CLCA1: variants seen among roughly 807,000 people sequenced by gnomAD.
CLCA1 encodes the protein chloride channel accessory 1.
Under a neutral mutation model 85.6 loss-of-function variants are expected in CLCA1, and 59 were observed. The observed-to-expected ratio is 0.69, with a 90% CI of 0.56 to 0.86. The LOEUF (loss-of-function observed/expected upper bound fraction) is 0.86. Ranked by LOEUF, CLCA1 falls within the 40% of genes least tolerant of loss-of-function variation. The pLI is 0.00. For synonymous variants in CLCA1, 396 were observed against 398.3 expected (o/e 0.99, Z 0.07); for missense variants, 1,022 against 1,101.4 (o/e 0.93, Z 1.02).
At position 86,499,885 on chromosome 1, in the gene CLCA1, T is replaced by C. The variant is rs1409793529; in HGVS notation, c.2585T>C (p.Val862Ala). Reference protein sequence around the residue: ...LKSEISNIARVSLFIPPQTPP... With the variant: ...LKSEISNIARASLFIPPQTPP... Reference sequence around the variant, plus strand: ...TCAGAAATATCCAACATTGCACGAGTATCTTTGTTTATTCCTCCACAGACT... The same window carrying C: ...TCAGAAATATCCAACATTGCACGAGCATCTTTGTTTATTCCTCCACAGACT... Residue 862 changes from valine to alanine, a missense_variant, in exon 14 of 14, where the codon GTA becomes GCA. Coordinates refer to ENST00000394711, the MANE Select transcript of CLCA1 (RefSeq NM_001285.4). 1 of 1,613,968 alleles carries C rather than the reference T, an allele frequency of 6.2e-7. No homozygotes were observed. The highest frequency in any genetic ancestry group is 8.5e-7 in the Non-Finnish European group (1 of 1,179,886).
At chr1:86,481,883 C>T (rs1312968280) in intron 4 of CLCA1, among the ~76,000 whole-genome samples, 1 of 152,112 alleles carries the variant, frequency 6.6e-6, no homozygotes, top group African/African-American at 2.4e-5. Context: ...GGGCTCTTGA[C>T]CTGCTAGGGA....
At chr1:86,481,595 G>C (rs1192039348) in intron 4 of CLCA1, among the ~76,000 whole-genome samples, 1 of 152,100 alleles carries the variant, frequency 6.6e-6, no homozygotes, top group Non-Finnish European at 1.5e-5. Flanking sequence ...TTCTGATGGT[G>C]AGACATGTTT....
intron 4 of CLCA1, among the ~76,000 whole-genome samples, chr1:86,477,463 A>C (rs1282675125): frequency 6.6e-6 from 1 of 152,234 alleles, no homozygotes; most frequent in Non-Finnish European, 1.5e-5. Context: ...TTATGGGCTA[A>C]TTCTTGCAGC....
At chr1:86,482,792 G>C (rs1647854484) in intron 5 of CLCA1, among the ~76,000 whole-genome samples, 1 of 152,018 alleles carries the variant, frequency 6.6e-6, no homozygotes, top group Admixed American at 6.6e-5. Flanking sequence ...GTTTGCTTTT[G>C]GTTGTTAACT....
chr1:86,480,014 G>C (rs984632007), intron 4 of CLCA1, among the ~76,000 whole-genome samples: 1 of 152,164 alleles, frequency 6.6e-6, no homozygotes, highest in Non-Finnish European at 1.5e-5. Context: ...TTTTTTAACT[G>C]TGTGGGGAAA....
chr1:86,473,685 T>A, intron 2 of CLCA1, 44 bp from the exon 3 acceptor site: 1 of 1,533,834 alleles, frequency 6.5e-7, no homozygotes, highest in Non-Finnish European at 8.8e-7. Flanking sequence ...GTTAATTCAT[T>A]TGCTGAAACT....
intron 12 of CLCA1, among the ~76,000 whole-genome samples, chr1:86,498,149 AC>A (rs1168290364): frequency 7.1e-6 from 1 of 141,602 alleles, no homozygotes; most frequent in Non-Finnish European, 1.5e-5. Flanking sequence ...AAAAACAAAA[AC>A]AAAGAAAGGA....
At chr1:86,470,568 T>G (rs2753359) in intron 1 of CLCA1, among the ~76,000 whole-genome samples, 1 of 152,228 alleles carries the variant, frequency 6.6e-6, no homozygotes, top group Admixed American at 6.5e-5. Context: ...TGCTTCTACT[T>G]CATTGTCCTT....
chr1:86,499,673 A>G lies in CLCA1; in HGVS notation c.2373A>G (p.Arg791=), dbSNP rs1236561312. 6.3e-7 allele frequency: 1 copy of G among 1,586,466 alleles called. No individual in the cohort carries two copies. The highest frequency in any genetic ancestry group is 1.3e-5 in the African/African-American group (1 of 74,092). ...TTTTAGCTCACAAGTATATCATTCGAATAAGTACAAGTATTCTTGATCTCA... is the reference window on the plus strand; with the variant it reads ...TTTTAGCTCACAAGTATATCATTCGGATAAGTACAAGTATTCTTGATCTCA... ...DHGTAHKYII[R]ISTSILDLRD... is the part of the protein sequence containing the mutation. Residue 791 remains arginine (R), a synonymous_variant, in exon 14 of 14, where the codon CGA becomes CGG. Coordinates refer to ENST00000394711, the MANE Select transcript of CLCA1 (RefSeq NM_001285.4).
rs548165031 is a variant in CLCA1 at position 86,471,172 on chromosome 1, T to A, written c.162+2039T>A. Among the ~76,000 whole-genome samples the A allele has an allele frequency of 6.5e-4, 92 of 140,780 alleles. 1 individual carries two copies. Among genetic ancestry groups the A allele is most frequent in the Middle Eastern group, 6.9e-3 (2 of 290 alleles). 92.4% of individuals were successfully genotyped at this position (140,780 alleles called of 152,430 possible). A position where few individuals can be genotyped will look rare whatever the true frequency, so the allele number is the denominator to read the frequency against. On this transcript the variant is annotated intron_variant, in intron 1 of 13. Coordinates refer to ENST00000394711, the MANE Select transcript of CLCA1 (RefSeq NM_001285.4). Reference sequence around the variant, plus strand: ...GCACGTCAGAAGGTACACAGTAGGGTTATTTTGGAGTCTCTGCAATGCTCA... The same window carrying A: ...GCACGTCAGAAGGTACACAGTAGGGATATTTTGGAGTCTCTGCAATGCTCA...
chr1:86,494,504 G>T, intron 11 of CLCA1, 56 bp downstream of exon 11: 1 of 1,588,184 alleles, frequency 6.3e-7, no homozygotes, highest in Non-Finnish European at 8.6e-7. Flanking sequence ...AGCAACCAGG[G>T]AATGCCAAGA....
chr1:86,479,744 G>T (rs926933614), intron 4 of CLCA1, among the ~76,000 whole-genome samples: 5 of 152,072 alleles, frequency 3.3e-5, no homozygotes, highest in Admixed American at 3.3e-4. Context: ...AATTAGCCAG[G>T]CGTGGTGGCG....
rs1648405852 is a variant in CLCA1, at chr1:86,499,750, A to G, written c.2450A>G (p.Lys817Arg). The change falls in exon 14 of 14, where the codon AAG becomes AGG. Residue 817 changes from lysine (K) to arginine (R), a missense_variant. Transcript: ENST00000394711. ...LQVNTTALIPKEANSEEVFLF... is the reference protein window; with the variant it reads ...LQVNTTALIPREANSEEVFLF... ...GTGAATACTACTGCTCTCATCCCAA[A>G]GGAAGCCAACTCTGAGGAAGTCTTT... 3 of 1,613,360 alleles carry G rather than the reference A, an allele frequency of 1.9e-6. No individual in the cohort carries two copies. Among genetic ancestry groups the G allele is most frequent in the Non-Finnish European group, 2.5e-6 (3 of 1,179,294 alleles).
chr1:86,476,045 G>A (rs567438442), intron 3 of CLCA1, among the ~76,000 whole-genome samples: 2 of 152,286 alleles, frequency 1.3e-5, no homozygotes, highest in South Asian at 4.1e-4. Flanking sequence ...AGCCATGAGG[G>A]AGGAGAATTG....
At chr1:86,481,565 A>G (rs1647823815) in intron 4 of CLCA1, among the ~76,000 whole-genome samples, 1 of 152,170 alleles carries the variant, frequency 6.6e-6, no homozygotes, top group Non-Finnish European at 1.5e-5. Flanking sequence ...AAATGCTTCA[A>G]CTTGGTAACA....
Position 86,473,706 on chromosome 1 carries a change from A to G in CLCA1, c.304-23A>G, listed in dbSNP as rs779663928. The G allele has an allele frequency of 3.8e-6, 6 of 1,559,060 alleles. No homozygotes were observed. The South Asian group carries it at 7.2e-5, about 19-fold the overall frequency. Reference sequence around the variant, plus strand: ...TCATTTGCTGAAACTTTGTGATGATAGAAACTTTTTCTTAAATTTCAGGCT... The same window carrying G: ...TCATTTGCTGAAACTTTGTGATGATGGAAACTTTTTCTTAAATTTCAGGCT... On this transcript the variant is annotated intron_variant, in intron 2 of 13. Transcript: ENST00000394711.
chr1:86,485,700 C>T, intron 6 of CLCA1, 139 bp downstream of exon 6: 2 of 734,446 alleles, frequency 2.7e-6, no homozygotes, highest in Middle Eastern at 2.7e-4. Context: ...CAGAAATGCC[C>T]ACTTCAACTT....
chr1:86,480,276 A>G (rs1358825), intron 4 of CLCA1, among the ~76,000 whole-genome samples: 17,781 of 152,236 alleles, frequency 0.12, 1,155 homozygotes, highest in African/African-American at 0.17. Context: ...TGCAAAAACA[A>G]AAAAGAAAGC....
At chr1:86,481,189 T>G (rs1647810972) in intron 4 of CLCA1, among the ~76,000 whole-genome samples, 1 of 151,982 alleles carries the variant, frequency 6.6e-6, no homozygotes, top group African/African-American at 2.4e-5. Context: ...CAGGCTGGAG[T>G]GCAGTGGCGC....
Sources: gnomAD v4.1 joint callset for allele counts (sites outside exome capture counted in the v4.1 genomes callset) on GRCh38, gnomAD v4.1.1 for gene constraint, MANE v1.5 for transcripts, NCBI Gene and HGNC (gene_info 2026-07-23, HGNC 2026-07-21) for gene names.